LIPA: variants seen among roughly 807,000 people sequenced by gnomAD.
LIPA encodes lysosomal acid lipase/cholesteryl ester hydrolase.
A neutral mutation model predicts 40.6 loss-of-function variants in LIPA; 26 were observed. The ratio of observed to expected loss-of-function variants is 0.64; its 90% CI spans 0.47 to 0.89. The LOEUF (loss-of-function observed/expected upper bound fraction) is 0.89. Ranked by LOEUF, LIPA falls within the 40% of genes least tolerant of loss-of-function variation. The pLI is 0.00. For synonymous variants in LIPA, 188 were observed against 168.4 expected, an observed-to-expected ratio of 1.12 and a Z score of -0.90; for missense variants, 455 against 479.6, an observed-to-expected ratio of 0.95 and a Z score of 0.48.
chr10:89,409,789 G>C (rs911263758), intron 2 of LIPA, among the ~76,000 whole-genome samples: 5 of 152,212 alleles, frequency 3.3e-5, no homozygotes, highest in African/African-American at 1.2e-4. Flanking sequence ...GGGAGACTTT[G>C]CTCTTTTCAC....
In LIPA at chr10:89,331,236, G is replaced by A. The variant is rs368059014; in HGVS notation, c.-2+11375C>T. 1.6e-4 allele frequency among the ~76,000 whole-genome samples: 25 copies of A among 152,224 alleles called. No individual in the cohort carries two copies. In the East Asian group the frequency reaches 3.1e-3, roughly 19 times the overall value. Reference sequence around the variant, plus strand: ...CACCCAGGCTGGAGTGCAGTGGCCCGATCATGGCTCACTGCAGCCTCAGAC... The same window carrying A: ...CACCCAGGCTGGAGTGCAGTGGCCCAATCATGGCTCACTGCAGCCTCAGAC... On this transcript the variant is annotated intron_variant, in intron 1 of 5. Coordinates refer to the LIPA transcript ENST00000282673.
At chr10:89,301,885 A>G (rs1843447161) in intron 1 of LIPA, 2 of 420,844 alleles carry the variant, frequency 4.8e-6, no homozygotes, top group Non-Finnish European at 8.7e-6. Context: ...TCCGGAGGAA[A>G]AAGAGTCCTC....
intron 1 of LIPA, among the ~76,000 whole-genome samples, chr10:89,325,403 G>C (rs536148473): frequency 6.6e-6 from 1 of 152,238 alleles, no homozygotes; most frequent in Non-Finnish European, 1.5e-5. Context: ...CTGCCATAAA[G>C]ACACATGTTC....
At chr10:89,243,202 T>C (rs1248282846) in intron 3 of LIPA, among the ~76,000 whole-genome samples, 7 of 152,258 alleles carry the variant, frequency 4.6e-5, no homozygotes, top group African/African-American at 1.7e-4. Context: ...AACCTTGCTC[T>C]TGAATAGGAG....
intron 2 of LIPA, among the ~76,000 whole-genome samples, chr10:89,399,112 C>T (rs1482394353): frequency 1.3e-5 from 2 of 151,994 alleles, no homozygotes; most frequent in Admixed American, 6.6e-5. Context: ...ATTTGCATTT[C>T]ACTAATGATT....
chr10:89,332,349 C>A, intron 1 of LIPA: 1 of 631,864 alleles, frequency 1.6e-6, no homozygotes, highest in Admixed American at 3.6e-5. Context: ...TTTTACAGTG[C>A]CTTTTTACAA....
chr10:89,289,060 A>C (rs896621929), intron 1 of LIPA, among the ~76,000 whole-genome samples: 4 of 152,234 alleles, frequency 2.6e-5, no homozygotes, highest in African/African-American at 7.2e-5. Flanking sequence ...GTAGCTAAAG[A>C]AGCAGCTAGC....
chr10:89,397,742 G>T (rs1268461352), intron 2 of LIPA, among the ~76,000 whole-genome samples: 1 of 151,994 alleles, frequency 6.6e-6, no homozygotes, highest in African/African-American at 2.4e-5. Context: ...TATTCACATA[G>T]ATTTCCAGTG....
chr10:89,378,444 G>A (rs1439344091), intron 2 of LIPA, among the ~76,000 whole-genome samples: 1 of 152,136 alleles, frequency 6.6e-6, no homozygotes, highest in African/African-American at 2.4e-5. Flanking sequence ...ACAGGAGCAA[G>A]AGGAGAGAAC....
chr10:89,243,135 T>C (rs985280184), intron 3 of LIPA, among the ~76,000 whole-genome samples: 1 of 152,200 alleles, frequency 6.6e-6, no homozygotes, highest in East Asian at 1.9e-4. Context: ...GTGAAAGGCC[T>C]TCTCCATTCT....
chr10:89,324,015 C>A (rs1237021425), intron 1 of LIPA, among the ~76,000 whole-genome samples: 1 of 152,198 alleles, frequency 6.6e-6, no homozygotes, highest in Non-Finnish European at 1.5e-5. Context: ...TGTTACCTGA[C>A]TTTGAACTAT....
At chr10:89,367,701 C>G (rs997565190) in intron 2 of LIPA, among the ~76,000 whole-genome samples, 3 of 152,140 alleles carry the variant, frequency 2.0e-5, no homozygotes, top group Non-Finnish European at 4.4e-5. Flanking sequence ...GTAACCAGCA[C>G]CTATTATGTG....
rs747849181 is a variant in LIPA at position 89,231,403 on chromosome 10, A to T, written c.230-3005T>A. ...TACATGGTACTCCCTGGAGTTGTAC[A>T]ACCTGGGGGTGCTATACCCTCGTGT... On this transcript the variant is annotated intron_variant, in intron 3 of 9. Transcript: ENST00000336233. Among the ~76,000 whole-genome samples, 41 of 152,014 alleles carry T rather than the reference A, an allele frequency of 2.7e-4. 1 individual carries two copies. Among genetic ancestry groups the T allele is most frequent in the Non-Finnish European group, 5.1e-4 (35 of 68,024 alleles).
chr10:89,266,251 T>C (rs1233078990), intron 1 of LIPA, among the ~76,000 whole-genome samples: 1 of 152,226 alleles, frequency 6.6e-6, no homozygotes, highest in Non-Finnish European at 1.5e-5. Context: ...CATTCTTTCT[T>C]ACTGTATTAA....
At chr10:89,395,434 C>T (rs184586816) in intron 2 of LIPA, among the ~76,000 whole-genome samples, 2 of 152,316 alleles carry the variant, frequency 1.3e-5, no homozygotes, top group African/African-American at 4.8e-5. Context: ...ACCCTCTTCT[C>T]TCTGGATCTG....
intron 2 of LIPA, among the ~76,000 whole-genome samples, chr10:89,410,893 A>G (rs1418725272): frequency 6.6e-6 from 1 of 152,258 alleles, no homozygotes; most frequent in Non-Finnish European, 1.5e-5. Flanking sequence ...CAGAAAGGAA[A>G]GCAAGAAAGA....
intron 1 of LIPA, chr10:89,284,092 C>T (rs889123942): frequency 1.3e-5 from 2 of 152,184 alleles, no homozygotes; most frequent in African/African-American, 4.8e-5. Flanking sequence ...CTGATGGAAG[C>T]CTTTAGCAAT....
intron 2 of LIPA, among the ~76,000 whole-genome samples, chr10:89,377,376 C>T (rs1310085434): frequency 6.6e-6 from 1 of 152,232 alleles, no homozygotes; most frequent in Non-Finnish European, 1.5e-5. Context: ...TACTGACCAG[C>T]TCAAACATTG....
upstream of LIPA, among the ~76,000 whole-genome samples, chr10:89,253,764 T>C (rs966260541): frequency 1.3e-5 from 2 of 152,222 alleles, no homozygotes; most frequent in African/African-American, 4.8e-5. Context: ...AGTTAGTTGC[T>C]TCTTAGATAC....
Sources: allele counts gnomAD v4.1 joint callset (sites outside exome capture counted in the v4.1 genomes callset), GRCh38; gene constraint gnomAD v4.1.1; transcripts MANE v1.5; gene names NCBI Gene and HGNC (gene_info 2026-07-23, HGNC 2026-07-21).